PLCE1: variants seen among roughly 807,000 people sequenced by gnomAD.
PLCE1 encodes the protein 1-phosphatidylinositol 4,5-bisphosphate phosphodiesterase epsilon-1.
Under a neutral mutation model 242.8 loss-of-function variants are expected in PLCE1, and 119 were observed. The ratio of observed to expected loss-of-function variants is 0.49; its 90% CI spans 0.42 to 0.57. PLCE1 has a LOEUF of 0.57. PLCE1 is among the 20% of genes least tolerant of loss of function. The probability of loss-of-function intolerance (pLI) is 0.00; values close to 1 mark genes in which losing one functional copy is unlikely to be tolerated. For synonymous variants in PLCE1, 945 were observed against 1,017.4 expected (o/e 0.93, Z 1.35); for missense variants, 2,441 against 2,788.8 (o/e 0.88, Z 2.81).
At chr10:94,172,223 A>C (rs920694964) in intron 4 of PLCE1, among the ~76,000 whole-genome samples, 1 of 152,184 alleles carries the variant, frequency 6.6e-6, no homozygotes, top group Non-Finnish European at 1.5e-5. Context: ...AGGAAAGAGC[A>C]GGGAGTCTCC....
At chr10:94,179,407 A>G (rs1564761527) in intron 4 of PLCE1, among the ~76,000 whole-genome samples, 1 of 152,110 alleles carries the variant, frequency 6.6e-6, no homozygotes, top group African/African-American at 2.4e-5. Context: ...ATTCAGGTGC[A>G]GCTCTGGAGT....
At chr10:94,212,270 T>C (rs1443102720) in intron 4 of PLCE1, among the ~76,000 whole-genome samples, 3 of 152,098 alleles carry the variant, frequency 2.0e-5, no homozygotes, top group African/African-American at 7.2e-5. Flanking sequence ...TGTTTTTCTT[T>C]TTTTGAGACA....
At chr10:94,127,390 CA>C (rs2046465325) in intron 2 of PLCE1, among the ~76,000 whole-genome samples, 1 of 152,092 alleles carries the variant, frequency 6.6e-6, no homozygotes, top group Non-Finnish European at 1.5e-5. Flanking sequence ...AGTTATCAGC[CA>C]AGGTGACAGG....
At chr10:94,045,310 A>C (rs146161614) in intron 2 of PLCE1, among the ~76,000 whole-genome samples, 2 of 152,018 alleles carry the variant, frequency 1.3e-5, no homozygotes, top group African/African-American at 2.4e-5. Flanking sequence ...ATATATATAT[A>C]TTTTTTGTAG....
chr10:94,111,030 G>A lies in PLCE1; in HGVS notation c.1207-21144G>A, dbSNP rs117020947. Among the ~76,000 whole-genome samples the A allele has an allele frequency of 4.1e-4, 62 of 152,256 alleles. No individual in the cohort carries two copies. The East Asian group carries it at 9.8e-3, about 24-fold the overall frequency. On this transcript the variant is annotated intron_variant, in intron 2 of 32. Transcript: ENST00000371380. ...GTGTGGGTGGTCGTGATAAAATAAC[G>A]TCTGGTTGAGAACTGCTGTTCTAGA...
intron 3 of PLCE1, among the ~76,000 whole-genome samples, chr10:94,136,222 C>T (rs550660465): frequency 2.0e-5 from 3 of 151,962 alleles, no homozygotes; most frequent in African/African-American, 2.4e-5. Flanking sequence ...AGGTGGTTAC[C>T]GGGGATGAGG....
At chr10:94,163,450 T>C (rs1452954332) in intron 3 of PLCE1, among the ~76,000 whole-genome samples, 1 of 152,200 alleles carries the variant, frequency 6.6e-6, no homozygotes, top group Non-Finnish European at 1.5e-5. Context: ...TGGTCTAAAG[T>C]CTGTTTTATC....
At chr10:94,158,078 ATAT>A (rs1383010142) in intron 3 of PLCE1, among the ~76,000 whole-genome samples, 2 of 152,130 alleles carry the variant, frequency 1.3e-5, no homozygotes, top group Non-Finnish European at 1.5e-5. Context: ...ATGTTAAATA[ATAT>A]TATAATTTAT....
chr10:94,205,063 T>C (rs972937705), intron 4 of PLCE1, among the ~76,000 whole-genome samples: 2 of 152,220 alleles, frequency 1.3e-5, no homozygotes, highest in African/African-American at 4.8e-5. Flanking sequence ...GTATGACTTT[T>C]AAGATGTTTT....
chr10:94,057,607 T>C (rs1296308109), intron 2 of PLCE1, among the ~76,000 whole-genome samples: 3 of 152,232 alleles, frequency 2.0e-5, no homozygotes, highest in African/African-American at 7.2e-5. Context: ...TACCAACCTA[T>C]ACTTCCACGA....
At chr10:94,284,988 A>G (rs1261092234) in intron 22 of PLCE1, 23 bp downstream of exon 22, 1 of 1,271,368 alleles carries the variant, frequency 7.9e-7, no homozygotes, top group African/African-American at 1.5e-5. Flanking sequence ...AATATCATCT[A>G]TAACTTTTAA....
At chr10:94,169,234 GA>G (rs1431369764) in intron 3 of PLCE1, among the ~76,000 whole-genome samples, 1 of 152,182 alleles carries the variant, frequency 6.6e-6, no homozygotes, top group Non-Finnish European at 1.5e-5. Context: ...ACTCATGGAG[GA>G]AGGAATCAGG....
At chr10:94,026,489 A>T (rs2061455061) in intron 1 of PLCE1, among the ~76,000 whole-genome samples, 1 of 152,068 alleles carries the variant, frequency 6.6e-6, no homozygotes, top group Non-Finnish European at 1.5e-5. Flanking sequence ...AACCCACTAG[A>T]CTATGTTCTT....
chr10:94,212,759 G>A (rs2049385268), intron 4 of PLCE1, among the ~76,000 whole-genome samples: 1 of 152,176 alleles, frequency 6.6e-6, no homozygotes, highest in South Asian at 2.1e-4. Context: ...AACACAGTTT[G>A]GGAAACATTA....
intron 3 of PLCE1, chr10:94,155,790 AAG>A (rs756903833): frequency 3.3e-5 from 5 of 151,218 alleles, no homozygotes; most frequent in Admixed American, 1.3e-4. Flanking sequence ...TTAAAAAAAA[AAG>A]AGAGAGAGAG....
intron 3 of PLCE1, among the ~76,000 whole-genome samples, chr10:94,154,722 C>T (rs1458675823): frequency 1.3e-5 from 2 of 151,720 alleles, no homozygotes; most frequent in Admixed American, 6.6e-5. Flanking sequence ...CATCATTAGT[C>T]GTTAGGAATA....
chr10:94,300,917 T>A (rs930965767), intron 24 of PLCE1, among the ~76,000 whole-genome samples: 1 of 151,516 alleles, frequency 6.6e-6, no homozygotes, highest in Admixed American at 6.6e-5. Flanking sequence ...TAAAACAAAA[T>A]AGTGGGGCTT....
intron 24 of PLCE1, among the ~76,000 whole-genome samples, chr10:94,302,559 C>G (rs567363300): frequency 6.6e-6 from 1 of 152,236 alleles, no homozygotes; most frequent in East Asian, 1.9e-4. Flanking sequence ...GAGCACCTTG[C>G]ATGTGCCAAA....
intron 2 of PLCE1, among the ~76,000 whole-genome samples, chr10:94,053,033 G>A (rs972526936): frequency 3.9e-5 from 6 of 152,124 alleles, no homozygotes; most frequent in African/African-American, 9.7e-5. Context: ...CCCAAATAAC[G>A]CTTTTTGAAG....
Sources: allele counts gnomAD v4.1 joint callset (sites outside exome capture counted in the v4.1 genomes callset), GRCh38; gene constraint gnomAD v4.1.1; transcripts MANE v1.5; gene names NCBI Gene and HGNC (gene_info 2026-07-23, HGNC 2026-07-21).